Variants in MICB observed in about 807,000 individuals in gnomAD.
MICB encodes MHC class I polypeptide-related sequence B, also known as MHC class I antigen-related protein B.
In MICB, 27 loss-of-function variants were observed where a neutral mutation model predicts 34.3. That is an observed-to-expected ratio of 0.79 (90% CI 0.58 to 1.08). The LOEUF (loss-of-function observed/expected upper bound fraction) is 1.08. Ranked by LOEUF, MICB falls within the 50% of genes least tolerant of loss-of-function variation. The pLI, the probability that MICB is intolerant of heterozygous loss-of-function variation, is 0.00. For missense variants in MICB, 426 were observed against 483.1 expected, an observed-to-expected ratio of 0.88 and a Z score of 1.11; for synonymous variants, 153 against 187.4, an observed-to-expected ratio of 0.82 and a Z score of 1.50.
chr6:31,503,949 C>CTGTTTGTGTGTGTGTGTGTGTG lies in MICB; in HGVS notation c.71-1665_71-1664insTTGTGTGTGTGTGTGTGTGTGT, dbSNP rs28751333. Among the ~76,000 whole-genome samples, 108 of 97,598 alleles carry CTGTTTGTGTGTGTGTGTGTGTG rather than the reference C, an allele frequency of 1.1e-3. 1 individual carries two copies. The highest frequency in any genetic ancestry group is 2.8e-3 in the African/African-American group (70 of 25,308). The allele number at this position is 97,598 out of a possible 152,430, so 64.0% of individuals were successfully genotyped here. A position where few individuals can be genotyped will look rare whatever the true frequency, so the allele number is the denominator to read the frequency against. ...TTTCTCTACCTCCTTGCCAAACTTG[C>CTGTTTGTGTGTGTGTGTGTGTG]TGTGTGTGTGTGTGTGTGTGTGTGT... is the stretch of plus-strand genomic sequence containing the variant. On this transcript the variant is annotated intron_variant, in intron 1 of 5. Transcript: ENST00000252229.
At position 31,506,191 on chromosome 6, in the gene MICB, G is replaced by A. The variant is rs373124900; in HGVS notation, c.374G>A (p.Ser125Asn). 5 of 1,614,016 alleles carry A rather than the reference G, an allele frequency of 3.1e-6. No individual in the cohort carries two copies. The highest frequency in any genetic ancestry group is 4.2e-6 in the Non-Finnish European group (5 of 1,180,000). The change falls in exon 3 of 6, where the codon AGC (serine) becomes AAC (asparagine). Residue 125 changes from serine (S) to asparagine (N), a missense_variant. Physicochemically the swap from Ser to Asn is conservative, Grantham distance 46 (BLOSUM62 1). Transcript: ENST00000252229. ...AGGGTCTGTGAGATCCATGAAGACA[G>A]CAGCACCAGGGGCTCCCGGCATTTC... ...EIRVCEIHEDSSTRGSRHFYY... is the reference protein window; with the variant it reads ...EIRVCEIHEDNSTRGSRHFYY...
chr6:31,507,466 T>C lies in MICB; in HGVS notation c.959T>C (p.Phe320Ser). ...FPYVSAAMPCFVIIIILCVPC... is the reference protein window; with the variant it reads ...FPYVSAAMPCSVIIIILCVPC... ...TATGTTTCTGCTGCTATGCCATGTT[T>C]TGTTATTATTATTATTCTCTGTGTC... Residue 320 changes from phenylalanine (F) to serine (S), a missense_variant, in exon 5 of 6, where the codon TTT becomes TCT. Coordinates refer to ENST00000252229, the MANE Select transcript of MICB (RefSeq NM_005931.5). This position sits in a 1 kb window ranked among gnomAD's most constrained non-coding sequence, Gnocchi z 6.0. 1.2e-6 allele frequency: 2 copies of C among 1,614,070 alleles called. No homozygotes were observed. Among genetic ancestry groups the C allele is most frequent in the Non-Finnish European group, 1.7e-6 (2 of 1,179,968 alleles).
chr6:31,498,412 C>A (rs1361912579), intron 1 of MICB, 149 bp downstream of exon 1: 1 of 428,966 alleles, frequency 2.3e-6, no homozygotes, highest in Non-Finnish European at 4.1e-6. Context: ...CCTGTTCCCG[C>A]CACACCTCAG....
At chr6:31,505,251 C>T (rs896571075) in intron 1 of MICB, among the ~76,000 whole-genome samples, 2 of 152,138 alleles carry the variant, frequency 1.3e-5, no homozygotes, top group African/African-American at 2.4e-5. Context: ...GCCTGAGTCC[C>T]TTCCCATTCC....
At position 31,507,123 on chromosome 6, in the gene MICB, T is replaced by G. The variant is rs1181733301; in HGVS notation, c.715T>G (p.Trp239Gly). The stretch of plus-strand genomic sequence containing the variant: ...CTATCCCCGGAATATCACACTGACC[T>G]GGCGTCAGGATGGGGTATCTTTGAG... Reference protein sequence around the residue: ...SFYPRNITLTWRQDGVSLSHN... With the variant: ...SFYPRNITLTGRQDGVSLSHN... Residue 239 changes from tryptophan (W) to glycine (G), a missense_variant, in exon 4 of 6, where the codon TGG becomes GGG. Transcript: ENST00000252229. This position sits in a 1 kb window ranked among gnomAD's most constrained non-coding sequence, Gnocchi z 6.0. 2 of 1,613,946 alleles carry G rather than the reference T, an allele frequency of 1.2e-6. No individual in the cohort carries two copies. The highest frequency in any genetic ancestry group is 1.7e-6 in the Non-Finnish European group (2 of 1,179,972).
At chr6:31,499,770 A>G (rs1394555226) in intron 1 of MICB, among the ~76,000 whole-genome samples, 2 of 151,678 alleles carry the variant, frequency 1.3e-5, no homozygotes, top group Non-Finnish European at 1.5e-5. Flanking sequence ...CAGGTGCTGG[A>G]CCATCCCTCC....
chr6:31,501,845 T>C (rs1157044433), intron 1 of MICB, among the ~76,000 whole-genome samples: 1 of 152,230 alleles, frequency 6.6e-6, no homozygotes, highest in Non-Finnish European at 1.5e-5. Context: ...CTCTGTAGTA[T>C]AATTTGAAGT....
At chr6:31,498,713 C>A (rs577499440) in intron 1 of MICB, 5 of 155,240 alleles carry the variant, frequency 3.2e-5, no homozygotes, top group Admixed American at 6.5e-5. Flanking sequence ...GTGATCCGCC[C>A]GCCTCGGCCT....
upstream of MICB, chr6:31,498,088 C>A (rs1322025755): frequency 7.0e-6 from 6 of 852,226 alleles, no homozygotes; most frequent in Non-Finnish European, 8.7e-6. Flanking sequence ...ACTGGATAAG[C>A]GGTCGCTGAG....
Position 31,510,612 on chromosome 6 carries a change from C to A in MICB, c.*703C>A, listed in dbSNP as rs1444290447. 1.3e-5 allele frequency: 2 copies of A among 151,918 alleles called. 1 individual carries two copies. 9.4% of individuals were successfully genotyped at this position (151,918 alleles called of 1,614,324 possible). A position where few individuals can be genotyped will look rare whatever the true frequency, so the allele number is the denominator to read the frequency against. On this transcript the variant is annotated 3_prime_UTR_variant, in exon 6 of 6. Transcript: ENST00000252229. The stretch of plus-strand genomic sequence containing the variant: ...CCAGGCTGCAGTTCACTGGTGTGAT[C>A]TCAGCTCACTGCAACCTCTGCCTCC...
chr6:31,497,165 G>A (rs1764712225), upstream of MICB, among the ~76,000 whole-genome samples: 1 of 152,134 alleles, frequency 6.6e-6, no homozygotes, highest in Admixed American at 6.5e-5. Flanking sequence ...CTATGGCTGT[G>A]GGATTGAAAT....
chr6:31,498,196 GGGGCT>G lies in MICB; in HGVS notation c.8_12del (p.Leu3ProfsTer20). On this transcript the variant is annotated frameshift_variant, in exon 1 of 6. Coordinates refer to ENST00000252229, the MANE Select transcript of MICB (RefSeq NM_005931.5). LOFTEE classifies it high-confidence loss of function. ...GAGAAGGTGGCGACGTAGGGGCCAT[GGGGCT>G]GGGCCGGGTCCTGCTGTTTCTGGCC... The G allele has an allele frequency of 1.3e-6, 2 of 1,582,346 alleles. No individual in the cohort carries two copies. The highest frequency in any genetic ancestry group is 1.7e-6 in the Non-Finnish European group (2 of 1,162,422).
At chr6:31,508,312 G>T (rs1390150196) in intron 5 of MICB, among the ~76,000 whole-genome samples, 1 of 152,196 alleles carries the variant, frequency 6.6e-6, no homozygotes, top group African/African-American at 2.4e-5. Context: ...TTTGGAGTAA[G>T]GGACAGTCAG....
chr6:31,507,165 T>C lies in MICB; in HGVS notation c.757T>C (p.Trp253Arg). Residue 253 changes from tryptophan to arginine, a missense_variant, in exon 4 of 6, where the codon TGG (tryptophan) becomes CGG (arginine). Trp to Arg is a moderately radical substitution (Grantham distance 101, BLOSUM62 -3). Transcript: ENST00000252229. The surrounding 1 kb of genome is among the most constrained non-coding windows in gnomAD (Gnocchi z 6.0). ...GVSLSHNTQQ[W>R]GDVLPDGNGT... ...ATCTTTGAGCCACAACACCCAGCAG[T>C]GGGGGGATGTCCTGCCTGATGGGAA... The C allele has an allele frequency of 6.2e-7, 1 of 1,613,882 alleles. No homozygotes were observed.
Position 31,498,149 on chromosome 6 carries a change from A to C in MICB, c.-45A>C. 1 of 1,508,706 alleles carries C rather than the reference A, an allele frequency of 6.6e-7. No homozygotes were observed. Among genetic ancestry groups the C allele is most frequent in the East Asian group, 2.7e-5 (1 of 36,796 alleles). The allele number at this position is 1,508,706 out of a possible 1,614,324, so 93.5% of individuals were successfully genotyped here. On this transcript the variant is annotated 5_prime_UTR_variant, in exon 1 of 6. Transcript: ENST00000252229. ...CGGGGTCTTCTCACGGGTTTCATTC[A>C]GTTGGCCACTGCTGAGCAGCTGAGA...
intron 3 of MICB, among the ~76,000 whole-genome samples, 163 bp from the exon 4 acceptor site, chr6:31,506,859 T>A (rs1164186968): frequency 2.0e-5 from 3 of 152,156 alleles, no homozygotes; most frequent in Non-Finnish European, 4.4e-5. Context: ...ATCCTCCTGC[T>A]AGCCTGGAGG....
chr6:31,505,754 G>C lies in MICB; in HGVS notation c.208G>C (p.Gly70Arg), dbSNP rs978951964. Residue 70 changes from glycine (G) to arginine (R), a missense_variant, in exon 2 of 6, where the codon GGA becomes CGA. Coordinates refer to ENST00000252229, the MANE Select transcript of MICB (RefSeq NM_005931.5). ...GCAGAAACGCAGGGCAAAGCCCCAG[G>C]GACAGTGGGCAGAAAATGTCCTGGG... ...DRQKRRAKPQGQWAENVLGAK... is the reference protein window; with the variant it reads ...DRQKRRAKPQRQWAENVLGAK... The C allele has an allele frequency of 1.2e-6, 2 of 1,613,156 alleles. No individual in the cohort carries two copies. The highest frequency in any genetic ancestry group is 4.5e-5 in the East Asian group (2 of 44,878).
rs770351557 is a variant in MICB at position 31,509,827 on chromosome 6, G to A, written c.1070G>A (p.Gly357Glu). The change falls in exon 6 of 6, where the codon GGA (glycine) becomes GAA (glutamate). Residue 357 changes from glycine to glutamate, a missense_variant. Coordinates refer to ENST00000252229, the MANE Select transcript of MICB (RefSeq NM_005931.5). Reference protein sequence around the residue: ...QVLDQHPVGTGDHRDAAQLGF... With the variant: ...QVLDQHPVGTEDHRDAAQLGF... ...CTGGATCAACACCCAGTTGGGACAGGAGACCACAGGGATGCAGCACAGCTG... is the reference window on the plus strand; with the variant it reads ...CTGGATCAACACCCAGTTGGGACAGAAGACCACAGGGATGCAGCACAGCTG... 2 of 1,613,704 alleles carry A rather than the reference G, an allele frequency of 1.2e-6. No homozygotes were observed. The highest frequency in any genetic ancestry group is 1.1e-5 in the South Asian group (1 of 91,032).
chr6:31,505,811 T>C lies in MICB; in HGVS notation c.265T>C (p.Leu89=), dbSNP rs936811079. 9.3e-6 allele frequency: 15 copies of C among 1,612,986 alleles called. No homozygotes were observed. Among genetic ancestry groups the C allele is most frequent in the Non-Finnish European group, 1.2e-5 (14 of 1,179,956 alleles). Residue 89 remains leucine (L), a synonymous_variant, in exon 2 of 6, where the codon TTG becomes CTG. Transcript: ENST00000252229. ...GACCTGGGACACAGAGACCGAGGACTTGACAGAGAATGGGCAAGACCTCAG... is the reference window on the plus strand; with the variant it reads ...GACCTGGGACACAGAGACCGAGGACCTGACAGAGAATGGGCAAGACCTCAG... The part of the protein sequence containing the change: ...AKTWDTETED[L]TENGQDLRRT...
Sources: allele counts gnomAD v4.1 joint callset (sites outside exome capture counted in the v4.1 genomes callset), GRCh38; gene constraint gnomAD v4.1.1; non-coding constraint Gnocchi (gnomAD v3.1); transcripts MANE v1.5; gene names NCBI Gene and HGNC (gene_info 2026-07-23, HGNC 2026-07-21).